TMEM167A: variants seen among roughly 807,000 people sequenced by gnomAD.
TMEM167A encodes protein kish-A.
TMEM167A carries 8 observed loss-of-function variants against 11.6 expected under a neutral mutation model. That is an observed-to-expected ratio of 0.69 (90% CI 0.40 to 1.24). The LOEUF (loss-of-function observed/expected upper bound fraction) is 1.24. Among genes scored for constraint, TMEM167A ranks in the 50% most tolerant of loss-of-function variants. The pLI is 0.01. For synonymous variants in TMEM167A, 22 were observed against 28.0 expected (o/e 0.79, Z 0.67); for missense variants, 62 against 87.0 (o/e 0.71, Z 1.14).
chr5:83,056,188 G>C lies in TMEM167A; in HGVS notation c.*896C>G, dbSNP rs993495333. On this transcript the variant is annotated 3_prime_UTR_variant, in exon 4 of 4. Transcript: ENST00000502346. ...AGTTCAAGTTGACAAAACACAAACT[G>C]GATTTAAAGTGCTGTGTTAAAAAAC... 8.6e-5 allele frequency: 13 copies of C among 151,920 alleles called. No homozygotes were observed. Among genetic ancestry groups the C allele is most frequent in the African/African-American group, 3.1e-4 (13 of 41,378 alleles). 9.4% of individuals were successfully genotyped at this position (151,920 alleles called of 1,614,324 possible).
intron 3 of TMEM167A, among the ~76,000 whole-genome samples, chr5:83,060,824 C>T (rs1376742749): frequency 7.0e-6 from 1 of 141,846 alleles, no homozygotes; most frequent in Non-Finnish European, 1.6e-5. Flanking sequence ...CTGCAAGACT[C>T]CATCTCCAAA....
At chr5:83,065,424 A>C (rs1037716196) in intron 1 of TMEM167A, among the ~76,000 whole-genome samples, 7 of 152,078 alleles carry the variant, frequency 4.6e-5, no homozygotes, top group Non-Finnish European at 1.0e-4. Flanking sequence ...AAGGATAAAC[A>C]TCCTTTAAAT....
At chr5:83,060,659 G>C (rs1162179728) in intron 3 of TMEM167A, among the ~76,000 whole-genome samples, 1 of 151,902 alleles carries the variant, frequency 6.6e-6, no homozygotes, top group Non-Finnish European at 1.5e-5. Flanking sequence ...GTGAAACCCT[G>C]TCTCTACTAA....
In TMEM167A at chr5:83,072,628, A is replaced by G. The variant is rs1744579631; in HGVS notation, c.3+4693T>C. Among the ~76,000 whole-genome samples, 3 of 152,140 alleles carry G rather than the reference A, an allele frequency of 2.0e-5. No homozygotes were observed. The South Asian group carries it at 6.2e-4, about 32-fold the overall frequency. On this transcript the variant is annotated intron_variant, in intron 1 of 3. Transcript: ENST00000502346. ...ATTGCAACCTCCACCCCTTGGGTTC[A>G]AGCAATTATCCTGCCTCAGCCTCCC...
At chr5:83,061,841 C>G in intron 3 of TMEM167A, 36 bp downstream of exon 3, 1 of 1,582,318 alleles carries the variant, frequency 6.3e-7, no homozygotes. Context: ...CAACAATTTA[C>G]AGCTGAAGAA....
intron 2 of TMEM167A, among the ~76,000 whole-genome samples, chr5:83,062,753 G>A (rs1744424875): frequency 6.6e-6 from 1 of 151,658 alleles, no homozygotes; most frequent in Non-Finnish European, 1.5e-5. Flanking sequence ...GTCACATATG[G>A]TTGCAAATTA....
At chr5:83,059,427 G>A (rs1041623363) in intron 3 of TMEM167A, among the ~76,000 whole-genome samples, 2 of 149,946 alleles carry the variant, frequency 1.3e-5, no homozygotes, top group African/African-American at 2.5e-5. Flanking sequence ...AGATGAAAAC[G>A]ATGCCTCTTA....
At position 83,053,971 on chromosome 5, in the gene TMEM167A, A is replaced by T. The variant is rs1037572960; in HGVS notation, c.*3113T>A. 1 of 152,070 alleles carries T rather than the reference A, an allele frequency of 6.6e-6. No individual in the cohort carries two copies. The highest frequency in any genetic ancestry group is 1.9e-4 in the East Asian group (1 of 5,196). The allele number at this position is 152,070 out of a possible 1,614,324, so 9.4% of individuals were successfully genotyped here. A position where few individuals can be genotyped will look rare whatever the true frequency, so the allele number is the denominator to read the frequency against. On this transcript the variant is annotated 3_prime_UTR_variant, in exon 4 of 4. Transcript: ENST00000502346. ...TCCTGTCTTCAGTGATGATATACTG[A>T]AAGAATGGTGTAGGAGTAGAAATAT...
In TMEM167A at chr5:83,057,475, A is replaced by T. The variant is rs1744348653; in HGVS notation, c.149-321T>A. Among the ~76,000 whole-genome samples, 3 of 152,196 alleles carry T rather than the reference A, an allele frequency of 2.0e-5. No homozygotes were observed. The South Asian group carries it at 6.2e-4, about 32-fold the overall frequency. ...GAATGTAGGACAGAGATCCAAGAGA[A>T]ACGATCTCAACTCAATTGAGGCCAA... On this transcript the variant is annotated intron_variant, in intron 3 of 3. Coordinates refer to ENST00000502346, the MANE Select transcript of TMEM167A (RefSeq NM_174909.5).
chr5:83,068,399 C>T (rs888597734), intron 1 of TMEM167A, among the ~76,000 whole-genome samples: 1 of 152,072 alleles, frequency 6.6e-6, no homozygotes, highest in Admixed American at 6.6e-5. Context: ...ATTGTTATTA[C>T]CTGTATTTTA....
chr5:83,077,289 A>T, intron 1 of TMEM167A, 32 bp downstream of exon 1: 1 of 1,614,192 alleles, frequency 6.2e-7, no homozygotes, highest in Non-Finnish European at 8.5e-7. Context: ...CTTCTCGAAG[A>T]TCAACCGCGA....
intron 3 of TMEM167A, among the ~76,000 whole-genome samples, chr5:83,057,395 G>A (rs566850031): frequency 8.5e-5 from 13 of 152,050 alleles, no homozygotes; most frequent in South Asian, 2.1e-4. Flanking sequence ...AGAAAACCTC[G>A]AAAGCATCAT....
chr5:83,057,728 GC>G (rs1231619391), intron 3 of TMEM167A, among the ~76,000 whole-genome samples: 1 of 152,070 alleles, frequency 6.6e-6, no homozygotes, highest in Admixed American at 6.6e-5. Context: ...GAGATAGTAT[GC>G]TTACTCTGGG....
At chr5:83,058,825 A>C (rs1055700020) in intron 3 of TMEM167A, among the ~76,000 whole-genome samples, 1 of 152,108 alleles carries the variant, frequency 6.6e-6, no homozygotes, top group African/African-American at 2.4e-5. Context: ...AAACATCTTT[A>C]GTTGAACTTG....
rs201509589 is a variant in TMEM167A, at chr5:83,077,236, G to A, written c.3+85C>T. The A allele has an allele frequency of 9.3e-4, 1,488 of 1,604,962 alleles. 4 individuals carry two copies. The highest frequency in any genetic ancestry group is 6.3e-4 in the Non-Finnish European group (739 of 1,171,806). ...TCTCAGCTCCGGGCCCACACACCCCGGGCTGCCGCACAAACTCCAGCCCTA... is the reference window on the plus strand; with the variant it reads ...TCTCAGCTCCGGGCCCACACACCCCAGGCTGCCGCACAAACTCCAGCCCTA... On this transcript the variant is annotated intron_variant, in intron 1 of 3. Transcript: ENST00000502346.
At chr5:83,061,130 T>C (rs975579470) in intron 3 of TMEM167A, among the ~76,000 whole-genome samples, 12 of 152,162 alleles carry the variant, frequency 7.9e-5, no homozygotes, top group African/African-American at 2.4e-4. Context: ...ATGGGTTCAA[T>C]AGACAAAACA....
intron 3 of TMEM167A, among the ~76,000 whole-genome samples, chr5:83,058,723 C>T (rs1364109694): frequency 1.3e-5 from 2 of 152,032 alleles, no homozygotes; most frequent in African/African-American, 2.4e-5. Context: ...TCCCCTTTTC[C>T]TCATCCTTCA....
Position 83,055,905 on chromosome 5 carries a change from T to C in TMEM167A, c.*1179A>G, listed in dbSNP as rs1322108046. ...AATACTATCTACAACAGGTAATTTT[T>C]AGCTAAGATTTAAGTTCCTCGTAGC... is the stretch of plus-strand genomic sequence containing the variant. On this transcript the variant is annotated 3_prime_UTR_variant, in exon 4 of 4. Coordinates refer to ENST00000502346, the MANE Select transcript of TMEM167A (RefSeq NM_174909.5). The C allele has an allele frequency of 6.6e-6, 1 of 152,056 alleles. No individual in the cohort carries two copies. Among genetic ancestry groups the C allele is most frequent in the East Asian group, 1.9e-4 (1 of 5,202 alleles). 9.4% of individuals were successfully genotyped at this position (152,056 alleles called of 1,614,324 possible).
intron 1 of TMEM167A, among the ~76,000 whole-genome samples, chr5:83,067,723 G>A (rs1436109802): frequency 6.6e-6 from 1 of 151,854 alleles, no homozygotes; most frequent in African/African-American, 2.4e-5. Flanking sequence ...GTGTTGGCCA[G>A]GCTGGACTCA....
Sources: gnomAD v4.1 joint callset for allele counts (sites outside exome capture counted in the v4.1 genomes callset) on GRCh38, gnomAD v4.1.1 for gene constraint, MANE v1.5 for transcripts, NCBI Gene and HGNC (gene_info 2026-07-23, HGNC 2026-07-21) for gene names.